The following EDA variants were observed in gnomAD, a reference collection of about 807,000 sequenced individuals.
EDA encodes ectodysplasin-A.
In EDA, 2 loss-of-function variants were observed where a neutral mutation model predicts 23.6. The ratio of observed to expected loss-of-function variants is 0.08; its 90% CI spans 0.03 to 0.27. The LOEUF (loss-of-function observed/expected upper bound fraction) is 0.27. EDA is among the 10% of genes least tolerant of loss of function. EDA has a pLI of 1.00. For missense variants in EDA, 229 were observed against 324.2 expected, an observed-to-expected ratio of 0.71 and a Z score of 2.26; for synonymous variants, 131 against 132.0, an observed-to-expected ratio of 0.99 and a Z score of 0.05.
chrX:70,022,398 G>C (rs755629453), intron 2 of EDA, among the ~76,000 whole-genome samples: 1 of 108,789 alleles, frequency 9.2e-6, no homozygotes, highest in African/African-American at 3.4e-5. Flanking sequence ...AGTGTAGAGC[G>C]TGATCTTGGT....
At chrX:69,689,198 A>C (rs891112562) in intron 1 of EDA, among the ~76,000 whole-genome samples, 3 of 110,598 alleles carry the variant, frequency 2.7e-5, no homozygotes, top group Non-Finnish European at 5.7e-5. Context: ...TGAGTCGTAT[A>C]ACTGTTCTTC....
At chrX:70,026,456 A>G (rs1196522278) in intron 3 of EDA, among the ~76,000 whole-genome samples, 1 of 112,007 alleles carries the variant, frequency 8.9e-6, no homozygotes, top group African/African-American at 3.3e-5. Context: ...GATTAATAAT[A>G]CATTTGAGAA....
rs747089135 is a variant in EDA at position 69,961,706 on chromosome X, T to C, written c.502+4574T>C. 3.9e-4 allele frequency among the ~76,000 whole-genome samples: 44 copies of C among 112,727 alleles called. No individual in the cohort carries two copies. The South Asian group carries it at 0.016, about 41-fold the overall frequency. On this transcript the variant is annotated intron_variant, in intron 2 of 7. Transcript: ENST00000374552. ...GAAAAGAAGTGAATTTCGTTTTCTT[T>C]ACTACATTTCTTCCTTGAATTCACT...
At chrX:69,670,258 T>G (rs1350303170) in intron 1 of EDA, 5 of 422,386 alleles carry the variant, frequency 1.2e-5, no homozygotes, top group Non-Finnish European at 2.0e-5. Context: ...AGGTTTCTGC[T>G]GAGAAATCCA....
At chrX:69,799,696 C>CAAA (rs139693126) in intron 1 of EDA, among the ~76,000 whole-genome samples, 25 of 88,000 alleles carry the variant, frequency 2.8e-4, no homozygotes, top group African/African-American at 1.0e-3. Flanking sequence ...ACTAAAAAGA[C>CAAA]AAAAAAAAAA....
At chrX:69,734,846 T>C (rs1350136666) in intron 1 of EDA, among the ~76,000 whole-genome samples, 1 of 111,930 alleles carries the variant, frequency 8.9e-6, no homozygotes, top group African/African-American at 3.2e-5. Context: ...GGATGATTAC[T>C]GTTTTTTAAG....
intron 1 of EDA, among the ~76,000 whole-genome samples, chrX:69,658,883 C>A (rs1933401441): frequency 9.0e-6 from 1 of 111,481 alleles, no homozygotes; most frequent in Non-Finnish European, 1.9e-5. Context: ...TTACACCTAC[C>A]ATTTTCACTT....
chrX:69,791,081 C>A (rs2015392321), intron 1 of EDA, among the ~76,000 whole-genome samples: 1 of 111,392 alleles, frequency 9.0e-6, no homozygotes, highest in South Asian at 3.8e-4. Flanking sequence ...AACATATACA[C>A]AGGTAGATTA....
chrX:69,878,541 G>T (rs2017684308), intron 1 of EDA, among the ~76,000 whole-genome samples: 1 of 112,309 alleles, frequency 8.9e-6, no homozygotes, highest in Non-Finnish European at 1.9e-5. Flanking sequence ...CACCATGGAA[G>T]ATCAAACTAA....
intron 1 of EDA, among the ~76,000 whole-genome samples, chrX:69,806,111 G>A (rs968937396): frequency 5.4e-5 from 6 of 111,245 alleles, no homozygotes; most frequent in East Asian, 2.9e-4. Context: ...TAAATAAGGC[G>A]GAATTCAAGG....
At chrX:69,793,589 T>TTC (rs11370258) in intron 1 of EDA, among the ~76,000 whole-genome samples, 5 of 99,481 alleles carry the variant, frequency 5.0e-5, no homozygotes, top group African/African-American at 1.8e-4. Context: ...TTTTTTTTTT[T>TTC]GCTCCCGCTT....
chrX:69,954,634 A>G, intron 1 of EDA, among the ~76,000 whole-genome samples: 2 of 112,141 alleles, frequency 1.8e-5, no homozygotes, highest in Middle Eastern at 4.6e-3. Flanking sequence ...AATATTCATA[A>G]ACACTGAAGT....
intron 1 of EDA, among the ~76,000 whole-genome samples, chrX:69,691,991 C>T (rs746394135): frequency 4.6e-4 from 51 of 111,602 alleles, no homozygotes; most frequent in South Asian, 1.1e-3. Context: ...TTATTGCTTG[C>T]CAGTAACTTG....
intron 1 of EDA, among the ~76,000 whole-genome samples, chrX:69,917,087 C>T (rs1012140696): frequency 9.0e-6 from 1 of 110,724 alleles, no homozygotes; most frequent in African/African-American, 3.3e-5. Flanking sequence ...AGGTGCCTGC[C>T]ACCACACCTG....
intron 1 of EDA, among the ~76,000 whole-genome samples, chrX:69,910,165 TA>T (rs1215034782): frequency 3.6e-5 from 4 of 110,104 alleles, no homozygotes; most frequent in African/African-American, 1.3e-4. Flanking sequence ...TTTAATTAAT[TA>T]TTTTTTTTTT....
At chrX:69,732,473 G>A (rs1175946118) in intron 1 of EDA, among the ~76,000 whole-genome samples, 1 of 112,147 alleles carries the variant, frequency 8.9e-6, no homozygotes, top group Non-Finnish European at 1.9e-5. Flanking sequence ...GTGTATATGT[G>A]CCACATTTTC....
intron 1 of EDA, among the ~76,000 whole-genome samples, chrX:69,735,658 C>G (rs1044150576): frequency 9.0e-6 from 1 of 111,365 alleles, no homozygotes; most frequent in African/African-American, 3.3e-5. Flanking sequence ...ATCCCATTCT[C>G]TAGCTCTCTC....
intron 1 of EDA, among the ~76,000 whole-genome samples, chrX:69,742,295 G>T (rs936465410): frequency 9.0e-6 from 1 of 111,097 alleles, no homozygotes; most frequent in Admixed American, 9.6e-5. Context: ...ACCCTACCCC[G>T]TGTGACACCG....
chrX:69,982,715 G>GA (rs61640154), intron 2 of EDA, among the ~76,000 whole-genome samples: 2 of 103,335 alleles, frequency 1.9e-5, no homozygotes, highest in Non-Finnish European at 2.0e-5. Flanking sequence ...GTGTGGTGCT[G>GA]AAAAAAATGT....
Sources: allele counts gnomAD v4.1 joint callset (sites outside exome capture counted in the v4.1 genomes callset), GRCh38; gene constraint gnomAD v4.1.1; transcripts MANE v1.5; gene names NCBI Gene and HGNC (gene_info 2026-07-23, HGNC 2026-07-21).